The following CDYL variants were observed in gnomAD, a reference collection of about 807,000 sequenced individuals.
The protein encoded by CDYL is chromodomain Y-like protein.
A neutral mutation model predicts 47.3 loss-of-function variants in CDYL; 8 were observed. That is an observed-to-expected ratio of 0.17 (90% CI 0.10 to 0.31). The LOEUF (loss-of-function observed/expected upper bound fraction) is 0.31, where lower values mean the gene tolerates loss of function less well. Ranked by LOEUF, CDYL falls within the 10% of genes least tolerant of loss-of-function variation. The probability of loss-of-function intolerance (pLI) is 1.00; values close to 1 mark genes in which losing one functional copy is unlikely to be tolerated. For missense variants in CDYL, 471 were observed against 701.4 expected (o/e 0.67, Z 3.71); for synonymous variants, 266 against 265.0 (o/e 1.00, Z -0.04).
intron 1 of CDYL, among the ~76,000 whole-genome samples, chr6:4,778,354 T>A (rs1758525482): frequency 6.6e-6 from 1 of 152,250 alleles, no homozygotes; most frequent in South Asian, 2.1e-4. Flanking sequence ...GTAAGTTGTA[T>A]CCTATGTGTG....
chr6:4,719,782 A>AT (rs1757335613), intron 2 of CDYL, among the ~76,000 whole-genome samples: 1 of 152,134 alleles, frequency 6.6e-6, no homozygotes, highest in Non-Finnish European at 1.5e-5. Context: ...AATGAGTACC[A>AT]TCTCTTCATT....
intron 2 of CDYL, among the ~76,000 whole-genome samples, chr6:4,925,618 G>A (rs972504909): frequency 3.3e-5 from 5 of 151,894 alleles, no homozygotes; most frequent in Admixed American, 2.0e-4. Context: ...GGGTTTCACC[G>A]TGTCAGCCAG....
intron 4 of CDYL, among the ~76,000 whole-genome samples, chr6:4,939,807 C>T (rs1045279582): frequency 6.6e-6 from 1 of 152,218 alleles, no homozygotes; most frequent in African/African-American, 2.4e-5. Context: ...ACCACCATGC[C>T]TCCTATGGTC....
In CDYL at chr6:4,934,648, T is replaced by C. The variant is rs145001645; in HGVS notation, c.692-867T>C. On this transcript the variant is annotated intron_variant, in intron 2 of 6. Transcript: ENST00000397588. ...CATTGGATCATATTTGGACAATTCA[T>C]ACAGACAGGAGGATAATTATTTGCA... Among the ~76,000 whole-genome samples, 4 of 152,334 alleles carry C rather than the reference T, an allele frequency of 2.6e-5. No homozygotes were observed. The East Asian group carries it at 7.7e-4, about 29-fold the overall frequency.
At chr6:4,814,215 A>G (rs1309449623) in intron 1 of CDYL, among the ~76,000 whole-genome samples, 1 of 151,996 alleles carries the variant, frequency 6.6e-6, no homozygotes, top group African/African-American at 2.4e-5. Flanking sequence ...TAAAATGTTG[A>G]AGTAAGTTTT....
In CDYL at chr6:4,894,896, TACACAC is replaced by T. The variant is rs1561692374; in HGVS notation, c.691+2518_691+2523del. Among the ~76,000 whole-genome samples, 44 of 150,372 alleles carry T rather than the reference TACACAC, an allele frequency of 2.9e-4. 1 individual carries two copies. Among genetic ancestry groups the T allele is most frequent in the African/African-American group, 1.0e-3 (41 of 40,982 alleles). ...ACACATGTGTATGTGTGTGTATATA[TACACAC>T]GTACGTGTGTATATATACACATATG... On this transcript the variant is annotated intron_variant, in intron 2 of 6. Coordinates refer to ENST00000397588, the MANE Select transcript of CDYL (RefSeq NM_004824.4).
rs1238801392 is a variant in CDYL at position 4,718,417 on chromosome 6, T to TCTCCC, written c.103+2536_103+2537insCTCCC. The TCTCCC allele has an allele frequency of 2.6e-5, 4 of 152,200 alleles. No individual in the cohort carries two copies. In the East Asian group the frequency reaches 7.7e-4, roughly 29 times the overall value. 9.4% of individuals were successfully genotyped at this position (152,200 alleles called of 1,614,324 possible). On this transcript the variant is annotated intron_variant, in intron 2 of 8. Transcript: ENST00000328908. ...CCTCAGCCTCCCAAGTAGCTGGGAT[T>TCTCCC]ACAGCGTGTGCCATGACGCCCAGCT...
At chr6:4,763,948 C>T (rs1344978688) in intron 3 of CDYL, among the ~76,000 whole-genome samples, 1 of 151,892 alleles carries the variant, frequency 6.6e-6, no homozygotes, top group Non-Finnish European at 1.5e-5. Flanking sequence ...ATCCCCCAAC[C>T]CCAAAAAAGA....
intron 1 of CDYL, among the ~76,000 whole-genome samples, chr6:4,810,150 G>A (rs553250360): frequency 3.9e-5 from 6 of 152,082 alleles, no homozygotes; most frequent in Non-Finnish European, 5.9e-5. Flanking sequence ...TTTATGACTC[G>A]CCCTTGCCTA....
At chr6:4,714,183 C>T (rs1413470869) in intron 1 of CDYL, 2 of 151,360 alleles carry the variant, frequency 1.3e-5, no homozygotes, top group East Asian at 2.0e-4. Flanking sequence ...ACTGACTCCA[C>T]AGTCCATGTC....
rs188049281 is a variant in CDYL, at chr6:4,846,528, C to T, written c.25-45185C>T. ...CATGTGATGCCAGCATGCTTTCTTC[C>T]GTCAGAGTGCTGGAGAGGGAGCTGT... On this transcript the variant is annotated intron_variant, in intron 1 of 6. Coordinates refer to ENST00000397588, the MANE Select transcript of CDYL (RefSeq NM_004824.4). Among the ~76,000 whole-genome samples, 8 of 152,176 alleles carry T rather than the reference C, an allele frequency of 5.3e-5. No homozygotes were observed. In the East Asian group the frequency reaches 7.7e-4, roughly 15 times the overall value.
At chr6:4,739,445 G>A (rs1757758060) in intron 3 of CDYL, among the ~76,000 whole-genome samples, 1 of 150,564 alleles carries the variant, frequency 6.6e-6, no homozygotes, top group Non-Finnish European at 1.5e-5. Flanking sequence ...CTTGAATCTG[G>A]GAGGCAGAGG....
intron 1 of CDYL, among the ~76,000 whole-genome samples, chr6:4,819,732 G>C (rs531919351): frequency 1.3e-5 from 2 of 152,248 alleles, no homozygotes; most frequent in East Asian, 3.9e-4. Context: ...CACCCTCAAG[G>C]GACATTTGGC....
At chr6:4,944,782 T>C (rs1758462323) in intron 5 of CDYL, among the ~76,000 whole-genome samples, 1 of 152,220 alleles carries the variant, frequency 6.6e-6, no homozygotes, top group South Asian at 2.1e-4. Flanking sequence ...ATTTGGATCC[T>C]CTCATTATTT....
intron 1 of CDYL, among the ~76,000 whole-genome samples, chr6:4,827,907 G>A (rs573273255): frequency 2.2e-4 from 34 of 152,234 alleles, no homozygotes; most frequent in Non-Finnish European, 4.3e-4. Context: ...CGCCCACCTC[G>A]TCCTCCCAAA....
chr6:4,892,342 T>C lies in CDYL; in HGVS notation c.654T>C (p.Thr218=), dbSNP rs543325062. 20 of 1,613,604 alleles carry C rather than the reference T, an allele frequency of 1.2e-5. No homozygotes were observed. In the African/African-American group the frequency reaches 2.1e-4, roughly 17 times the overall value. The stretch of plus-strand genomic sequence containing the variant: ...TGCCTCAGGTGCCCGGCCCTGTGAC[T>C]GCAGCCATGGCCACAGGCTTAGCTG... ...PLVPQVPGPV[T]AAMATGLAVN... Residue 218 remains threonine, a synonymous_variant, in exon 2 of 7, where the codon ACT becomes ACC. Coordinates refer to ENST00000397588, the MANE Select transcript of CDYL (RefSeq NM_004824.4).
intron 3 of CDYL, among the ~76,000 whole-genome samples, chr6:4,739,858 CAGG>C (rs984052370): frequency 6.6e-6 from 1 of 151,830 alleles, no homozygotes; most frequent in African/African-American, 2.4e-5. Context: ...GAGGCTGAGA[CAGG>C]AGAATCGCTA....
chr6:4,708,075 G>T (rs1757078353), intron 1 of CDYL, among the ~76,000 whole-genome samples: 2 of 151,770 alleles, frequency 1.3e-5, no homozygotes, highest in African/African-American at 4.8e-5. Flanking sequence ...TTCCTTTATG[G>T]CCTAATATGT....
At chr6:4,937,213 G>A (rs12199520) in intron 3 of CDYL, among the ~76,000 whole-genome samples, 92,705 of 151,846 alleles carry the variant, frequency 0.61, 28,716 homozygotes, top group East Asian at 0.76. Context: ...TGAAAAATGA[G>A]CCAGGCATGA....
Sources: gnomAD v4.1 joint callset for allele counts (sites outside exome capture counted in the v4.1 genomes callset) on GRCh38, gnomAD v4.1.1 for gene constraint, MANE v1.5 for transcripts, NCBI Gene and HGNC (gene_info 2026-07-23, HGNC 2026-07-21) for gene names.